Variants in DNAH17 observed in about 807,000 individuals in gnomAD.
DNAH17 encodes axonemal beta dynein heavy chain 17.
In DNAH17, 376 loss-of-function variants were observed where a neutral mutation model predicts 485.6. That is an observed-to-expected ratio of 0.77 (90% confidence interval 0.71 to 0.84). The LOEUF is 0.84. DNAH17 is among the 40% of genes least tolerant of loss of function. The pLI, the probability that DNAH17 is intolerant of heterozygous loss-of-function variation, is 0.00. For missense variants in DNAH17, 6,370 were observed against 5,839.3 expected, an observed-to-expected ratio of 1.09 and a Z score of -2.96; for synonymous variants, 3,031 against 2,405.9, an observed-to-expected ratio of 1.26 and a Z score of -7.60.
chr17:78,545,879 T>G (rs2091747177), intron 16 of DNAH17, among the ~76,000 whole-genome samples: 1 of 152,198 alleles, frequency 6.6e-6, no homozygotes, highest in African/African-American at 2.4e-5. Flanking sequence ...TAAATATATA[T>G]TTTTGCCTCT....
intron 72 of DNAH17, among the ~76,000 whole-genome samples, chr17:78,439,611 C>T (rs886269788): frequency 2.0e-5 from 3 of 150,718 alleles, no homozygotes; most frequent in African/African-American, 7.3e-5. Flanking sequence ...GCTTCTGTCA[C>T]TGAGCATAGT....
chr17:78,458,021 C>T (rs1324810625), intron 62 of DNAH17, among the ~76,000 whole-genome samples: 2 of 152,162 alleles, frequency 1.3e-5, no homozygotes, highest in African/African-American at 2.4e-5. Flanking sequence ...CCAGGCTGGT[C>T]TCGAACTCCT....
chr17:78,556,336 A>G (rs2143607351), intron 14 of DNAH17, among the ~76,000 whole-genome samples: 1 of 152,320 alleles, frequency 6.6e-6, no homozygotes, highest in South Asian at 2.1e-4. Flanking sequence ...AGACGCTGGA[A>G]AAGACAAGGA....
At chr17:78,491,369 T>C in intron 43 of DNAH17, 74 bp downstream of exon 43, 1 of 1,554,848 alleles carries the variant, frequency 6.4e-7, no homozygotes, top group Non-Finnish European at 8.7e-7. Flanking sequence ...GAGTGCTCCG[T>C]AGGCGCCTCC....
At chr17:78,537,582 C>A (rs1397119097) in intron 18 of DNAH17, 101 bp from the exon 19 acceptor site, 6 of 1,319,440 alleles carry the variant, frequency 4.5e-6, no homozygotes, top group African/African-American at 1.5e-5. Flanking sequence ...TGTGTCACTG[C>A]CTTCCACTTA....
intron 14 of DNAH17, among the ~76,000 whole-genome samples, chr17:78,553,060 C>A (rs1434367848): frequency 6.6e-6 from 1 of 152,022 alleles, no homozygotes; most frequent in African/African-American, 2.4e-5. Flanking sequence ...AATGAATTCT[C>A]GTGCAATCTC....
rs777250409 is a variant in DNAH17 at position 78,454,514 on chromosome 17, G to A, written c.10362C>T (p.Asn3454=). ...TGGCTTTCAGTTCACTCCTGTATTT[G>A]TTTTTGATCCACTTGATTCCTTGGA... is the stretch of plus-strand genomic sequence containing the variant. The part of the protein sequence containing the change: ...AQLQGIKWIK[N]KYRSELKAIR... Residue 3454 remains asparagine (N), a synonymous_variant, in exon 64 of 81, where the codon AAC becomes AAT. Transcript: ENST00000389840. The A allele has an allele frequency of 6.2e-6, 10 of 1,613,386 alleles. No individual in the cohort carries two copies. The South Asian group carries it at 1.1e-4, about 18-fold the overall frequency.
Position 78,547,615 on chromosome 17 carries a change from CTAT to C in DNAH17, c.2392-3621_2392-3619del, listed in dbSNP as rs781473593. The stretch of plus-strand genomic sequence containing the variant: ...TCTTCTATTACATCTTTGTTCATTA[CTAT>C]TTTTTTTTTTTTTTTTTGAGATGGA... On this transcript the variant is annotated intron_variant, in intron 16 of 80. Transcript: ENST00000389840. Among the ~76,000 whole-genome samples, 11 of 107,180 alleles carry C rather than the reference CTAT, an allele frequency of 1.0e-4. No homozygotes were observed. In the East Asian group the frequency reaches 2.8e-3, roughly 27 times the overall value. 70.3% of individuals were successfully genotyped at this position (107,180 alleles called of 152,430 possible). A position where few individuals can be genotyped will look rare whatever the true frequency, so the allele number is the denominator to read the frequency against.
At position 78,485,814 on chromosome 17, in the gene DNAH17, G is replaced by A. The variant is rs74340013; in HGVS notation, c.7276-57C>T. 3,272 of 1,591,088 alleles carry A rather than the reference G, an allele frequency of 2.1e-3. 61 individuals carry two copies. The African/African-American group carries it at 0.04, about 19-fold the overall frequency. On this transcript the variant is annotated intron_variant, in intron 46 of 80. Transcript: ENST00000389840. ...TGATTCTCAGACACTTCTGCCTCTC[G>A]TGGGTGTGCAGGCCATGTTCTACCG... is the stretch of plus-strand genomic sequence containing the variant.
chr17:78,567,075 CG>C lies in DNAH17; in HGVS notation c.1375del (p.Arg459ValfsTer10), dbSNP rs1860292393. ...RGNLLGSLVT[R>X]IYDEVFELVK... ...CAGCTCAAAGACCTCATCATAGATA[CG>C]GGTCACCAGGCTCCCGAGGAGGTTC... On this transcript the variant is annotated frameshift_variant, in exon 10 of 81. Transcript: ENST00000389840. LOFTEE classifies it high-confidence loss of function. 2 of 1,613,532 alleles carry C rather than the reference CG, an allele frequency of 1.2e-6. No homozygotes were observed. Among genetic ancestry groups the C allele is most frequent in the Non-Finnish European group, 1.7e-6 (2 of 1,179,708 alleles).
intron 37 of DNAH17, among the ~76,000 whole-genome samples, chr17:78,497,498 C>T (rs769053506): frequency 6.6e-6 from 1 of 152,200 alleles, no homozygotes; most frequent in Non-Finnish European, 1.5e-5. Flanking sequence ...CGTGAACATT[C>T]AGTGCCCAGA....
chr17:78,514,402 G>C (rs939309712), intron 26 of DNAH17, among the ~76,000 whole-genome samples: 3 of 149,814 alleles, frequency 2.0e-5, no homozygotes. Context: ...CTACTTGGGA[G>C]GCTAAGGCAG....
In DNAH17 at chr17:78,525,086, C is replaced by T. The variant is rs754423554; in HGVS notation, c.3787G>A (p.Val1263Ile). 1.2e-5 allele frequency: 20 copies of T among 1,613,722 alleles called. No homozygotes were observed. Among genetic ancestry groups the T allele is most frequent in the South Asian group, 7.7e-5 (7 of 91,088 alleles). ...SKSGGLFEVP[V>I]PDYKQLKACH... ...GCCTTGAGCTGCTTGTAGTCTGGGACGGGGACCTCGAACAGGCCCCCGGAC... is the reference window on the plus strand; with the variant it reads ...GCCTTGAGCTGCTTGTAGTCTGGGATGGGGACCTCGAACAGGCCCCCGGAC... The change falls in exon 25 of 81, where the codon GTC becomes ATC. Residue 1263 changes from valine to isoleucine, a missense_variant. Val to Ile is a conservative substitution (Grantham distance 29, BLOSUM62 3). Coordinates refer to ENST00000389840, the MANE Select transcript of DNAH17 (RefSeq NM_173628.4).
intron 13 of DNAH17, among the ~76,000 whole-genome samples, chr17:78,560,149 G>A (rs2092120855): frequency 6.7e-6 from 1 of 148,646 alleles, no homozygotes; most frequent in Admixed American, 6.7e-5. Flanking sequence ...GGGCAGGACA[G>A]ACAGCTCTCT....
intron 74 of DNAH17, among the ~76,000 whole-genome samples, chr17:78,436,934 C>T (rs1416221850): frequency 6.6e-6 from 1 of 152,166 alleles, no homozygotes; most frequent in African/African-American, 2.4e-5. Flanking sequence ...GCCTTGAGGT[C>T]TGTGAGGGAA....
At chr17:78,433,081 C>G (rs691342) in intron 75 of DNAH17, among the ~76,000 whole-genome samples, 25,137 of 152,102 alleles carry the variant, frequency 0.17, 2,195 homozygotes, top group Middle Eastern at 0.21. Flanking sequence ...TCTCTCTGAG[C>G]CAGGGTCCAT....
At chr17:78,484,777 C>T (rs1431939558) in intron 48 of DNAH17, 91 bp downstream of exon 48, 2 of 1,311,516 alleles carry the variant, frequency 1.5e-6, no homozygotes, top group Non-Finnish European at 2.0e-6. Context: ...GCCCTACTGC[C>T]CTGGGGCTCC....
rs138446153 is a variant in DNAH17, at chr17:78,480,658, C to T, written c.7752+26G>A. The T allele has an allele frequency of 2.2e-4, 358 of 1,591,512 alleles. No homozygotes were observed. The African/African-American group carries it at 3.8e-3, about 17-fold the overall frequency. On this transcript the variant is annotated intron_variant, in intron 49 of 80. Coordinates refer to ENST00000389840, the MANE Select transcript of DNAH17 (RefSeq NM_173628.4). ...CAAGCCTCAGACTCATGGCAGGTGA[C>T]GGGGATGAGTATGGTTTCTGCTTAC...
chr17:78,557,636 C>G (rs1374968378), intron 14 of DNAH17, among the ~76,000 whole-genome samples: 1 of 29,016 alleles, frequency 3.4e-5, no homozygotes, highest in Non-Finnish European at 7.0e-5. Context: ...GAGACTGTCT[C>G]AAAAAAAAAA....
Sources: gnomAD v4.1 joint callset for allele counts (sites outside exome capture counted in the v4.1 genomes callset) on GRCh38, gnomAD v4.1.1 for gene constraint, MANE v1.5 for transcripts, NCBI Gene and HGNC (gene_info 2026-07-23, HGNC 2026-07-21) for gene names.